KRT33A: variants seen among roughly 807,000 people sequenced by gnomAD.
The protein encoded by KRT33A is keratin, type I cuticular Ha3-I.
Under a neutral mutation model 41.1 loss-of-function variants are expected in KRT33A, and 44 were observed. The ratio of observed to expected loss-of-function variants is 1.07; its 90% confidence interval spans 0.84 to 1.38. The LOEUF (loss-of-function observed/expected upper bound fraction) is 1.38. Among genes scored for constraint, KRT33A ranks in the 40% most tolerant of loss-of-function variants. The pLI, the probability that KRT33A is intolerant of heterozygous loss-of-function variation, is 0.00. For synonymous variants in KRT33A, 229 were observed against 227.8 expected, an observed-to-expected ratio of 1.01 and a Z score of -0.05; for missense variants, 536 against 518.5, an observed-to-expected ratio of 1.03 and a Z score of -0.33.
rs560492740 is a variant in KRT33A at position 41,349,271 on chromosome 17, G to A, written c.431+75C>T. On this transcript the variant is annotated intron_variant, in intron 2 of 6. Transcript: ENST00000007735. Reference sequence around the variant, plus strand: ...CTCAGTCACTGTTTGTTTAACTTGTGTTGACAACAGGCTAAAGGAAAGGAG... The same window carrying A: ...CTCAGTCACTGTTTGTTTAACTTGTATTGACAACAGGCTAAAGGAAAGGAG... The A allele has an allele frequency of 6.0e-5, 87 of 1,440,148 alleles. No homozygotes were observed. The South Asian group carries it at 9.6e-4, about 16-fold the overall frequency. The allele number at this position is 1,440,148 out of a possible 1,614,324, so 89.2% of individuals were successfully genotyped here.
chr17:41,346,799 C>T, intron 5 of KRT33A, 45 bp downstream of exon 5: 1 of 1,609,144 alleles, frequency 6.2e-7, no homozygotes, highest in South Asian at 1.1e-5. Context: ...AAGACTCTGC[C>T]TCCCAAGTTC....
rs762939306 is a variant in KRT33A, at chr17:41,349,399, C to A, written c.378G>T (p.Arg126Ser). 14 of 1,613,928 alleles carry A rather than the reference C, an allele frequency of 8.7e-6. No homozygotes were observed. Among genetic ancestry groups the A allele is most frequent in the Admixed American group, 1.7e-5 (1 of 59,980 alleles). Residue 126 changes from arginine (R) to serine (S), a missense_variant, in exon 2 of 7, where the codon AGG becomes AGT. Transcript: ENST00000007735. ...KILCSKSENA[R>S]LVVQIDNAKL... ...TGGCATTGTCGATCTGCACCACAAG[C>A]CTGGCATTCTCAGACTTGCTGCACA...
At chr17:41,347,742 C>T (rs2017446505) in intron 3 of KRT33A, among the ~76,000 whole-genome samples, 1 of 152,238 alleles carries the variant, frequency 6.6e-6, no homozygotes, top group African/African-American at 2.4e-5. Flanking sequence ...TACTTCCCTG[C>T]TAAGCATAGC....
chr17:41,350,479 G>T lies in KRT33A; in HGVS notation c.289C>A (p.Pro97Thr), dbSNP rs917229039. The change falls in exon 1 of 7, where the codon CCC becomes ACC. Residue 97 changes from proline (P) to threonine (T), a missense_variant. Physicochemically the swap from Pro to Thr is conservative, Grantham distance 38. Coordinates refer to ENST00000007735, the MANE Select transcript of KRT33A (RefSeq NM_004138.4). ...GACTGGTAGCTGGCACACACCAAGG[G>T]CTCCTGCTGCTGTGACCGCTCCCGG... ...LIRERSQQQE[P>T]LVCASYQSYF... is the part of the protein sequence containing the mutation. The T allele has an allele frequency of 2.5e-6, 4 of 1,613,946 alleles. No homozygotes were observed. Among genetic ancestry groups the T allele is most frequent in the Non-Finnish European group, 3.4e-6 (4 of 1,180,036 alleles).
In KRT33A at chr17:41,346,507, C is replaced by T. The variant is rs201872869; in HGVS notation, c.1038G>A (p.Arg346=). The change falls in exon 6 of 7, where the codon CGG becomes CGA. Residue 346 remains arginine, a synonymous_variant. Coordinates refer to ENST00000007735, the MANE Select transcript of KRT33A (RefSeq NM_004138.4). ...TGTTGATCTCACACTCCAGCCGCGC[C>T]CGCACGTCCAGCAGCACCTGATACT... The part of the protein sequence containing the change: ...NQEYQVLLDV[R]ARLECEINTY... The T allele has an allele frequency of 2.5e-6, 4 of 1,613,786 alleles. No homozygotes were observed. The highest frequency in any genetic ancestry group is 2.2e-5 in the East Asian group (1 of 44,816).
rs111795550 is a variant in KRT33A at position 41,350,606 on chromosome 17, G to T, written c.162C>A (p.Gly54=). ...GGAACTGCATGGTCTCCTTCTCACTGCCATTGAAGGAGCCCTCACAGAACC... is the reference window on the plus strand; with the variant it reads ...GGAACTGCATGGTCTCCTTCTCACTTCCATTGAAGGAGCCCTCACAGAACC... The part of the protein sequence containing the change: ...CNWFCEGSFN[G]SEKETMQFLN... The change falls in exon 1 of 7, where the codon GGC becomes GGA. Residue 54 remains glycine (G), a synonymous_variant. Coordinates refer to ENST00000007735, the MANE Select transcript of KRT33A (RefSeq NM_004138.4). 6.2e-7 allele frequency: 1 copy of T among 1,612,934 alleles called. No homozygotes were observed. The highest frequency in any genetic ancestry group is 1.3e-5 in the African/African-American group (1 of 74,250).
At chr17:41,347,017 TG>T in intron 4 of KRT33A, 43 bp downstream of exon 4, 3 of 1,611,388 alleles carry the variant, frequency 1.9e-6, no homozygotes, top group Middle Eastern at 1.7e-4. Context: ...TCCGGGGCCC[TG>T]GGGGGCCTCG....
intron 1 of KRT33A, 120 bp from the exon 2 acceptor site, chr17:41,349,548 T>C: frequency 4.3e-6 from 4 of 921,046 alleles, no homozygotes; most frequent in East Asian, 2.6e-5. Flanking sequence ...ATGCTTTCTA[T>C]ATACAGCAGG....
Position 41,350,600 on chromosome 17 carries a change from C to T in KRT33A, c.168G>A (p.Glu56=), listed in dbSNP as rs2088604280. 2 of 1,613,212 alleles carry T rather than the reference C, an allele frequency of 1.2e-6. No homozygotes were observed. The highest frequency in any genetic ancestry group is 1.7e-5 in the Admixed American group (1 of 59,994). Residue 56 remains glutamate (E), a synonymous_variant, in exon 1 of 7, where the codon GAG becomes GAA. Transcript: ENST00000007735. Reference sequence around the variant, plus strand: ...CGTTCAGGAACTGCATGGTCTCCTTCTCACTGCCATTGAAGGAGCCCTCAC... The same window carrying T: ...CGTTCAGGAACTGCATGGTCTCCTTTTCACTGCCATTGAAGGAGCCCTCAC... ...WFCEGSFNGS[E]KETMQFLNDR...
chr17:41,346,222 G>C lies in KRT33A; in HGVS notation c.1112C>G (p.Pro371Arg). The change falls in exon 7 of 7, where the codon CCC becomes CGC. Residue 371 changes from proline to arginine, a missense_variant. By Grantham distance (103) the Pro-to-Arg change is moderately radical. Transcript: ENST00000007735. ...ESEDCKLPSN[P>R]CATTNACDKS... ...GTCACATGCATTGGTTGTGGCGCAG[G>C]GGTTGGAGGGGAGCCTGTGGGCAGA... 1 of 1,614,112 alleles carries C rather than the reference G, an allele frequency of 6.2e-7. No individual in the cohort carries two copies. The highest frequency in any genetic ancestry group is 8.5e-7 in the Non-Finnish European group (1 of 1,179,962).
At position 41,348,505 on chromosome 17, in the gene KRT33A, C is replaced by G. The variant is rs1412451216; in HGVS notation, c.566G>C (p.Cys189Ser). 1 of 1,614,088 alleles carries G rather than the reference C, an allele frequency of 6.2e-7. No homozygotes were observed. Among genetic ancestry groups the G allele is most frequent in the East Asian group, 2.2e-5 (1 of 44,846 alleles). The change falls in exon 3 of 7, where the codon TGC becomes TCC. Residue 189 changes from cysteine to serine, a missense_variant. Cys to Ser is a moderately radical substitution (Grantham distance 112, BLOSUM62 -1). Transcript: ENST00000007735. Reference sequence around the variant, plus strand: ...CACCTGCTCATGGTTCTGCTTGAGGCACAGCAGCTCCTCCTTCAGGGACTC... The same window carrying G: ...CACCTGCTCATGGTTCTGCTTGAGGGACAGCAGCTCCTCCTTCAGGGACTC... The part of the protein sequence containing the change: ...QVESLKEELL[C>S]LKQNHEQEVN...
intron 3 of KRT33A, 85 bp from the exon 4 acceptor site, chr17:41,347,307 C>G: frequency 6.9e-7 from 1 of 1,449,532 alleles, no homozygotes; most frequent in Non-Finnish European, 9.2e-7. Context: ...TCTGATCATT[C>G]TTAAGCTTTC....
chr17:41,349,936 G>A (rs2017480898), intron 1 of KRT33A, among the ~76,000 whole-genome samples: 1 of 152,096 alleles, frequency 6.6e-6, no homozygotes, highest in South Asian at 2.1e-4. Flanking sequence ...GCTCTCACTG[G>A]ACACTGTGCA....
At chr17:41,347,919 C>A (rs1248580843) in intron 3 of KRT33A, among the ~76,000 whole-genome samples, 1 of 152,230 alleles carries the variant, frequency 6.6e-6, no homozygotes, top group Non-Finnish European at 1.5e-5. Flanking sequence ...ACATACTAAG[C>A]ACTTGATTAA....
In KRT33A at chr17:41,347,105, C is replaced by T. The variant is rs2017436572; in HGVS notation, c.706G>A (p.Val236Met). The T allele has an allele frequency of 1.2e-6, 2 of 1,614,042 alleles. No individual in the cohort carries two copies. Among genetic ancestry groups the T allele is most frequent in the East Asian group, 2.2e-5 (1 of 44,888 alleles). Residue 236 changes from valine to methionine, a missense_variant, in exon 4 of 7, where the codon GTG (valine) becomes ATG (methionine). Physicochemically the swap from Val to Met is conservative, Grantham distance 21 (BLOSUM62 1). Coordinates refer to ENST00000007735, the MANE Select transcript of KRT33A (RefSeq NM_004138.4). The part of the protein sequence containing the change: ...NETRSQYEAL[V>M]ETNRREVEQW... ...TCCACTTCCCTGCGGTTGGTTTCCA[C>T]CAGGGCCTCATACTGACTCCTGGTC...
intron 6 of KRT33A, 97 bp from the exon 7 acceptor site, chr17:41,346,333 T>C: frequency 6.3e-7 from 1 of 1,579,916 alleles, no homozygotes; most frequent in South Asian, 1.1e-5. Flanking sequence ...TGTTCCTCCT[T>C]GGACTTCCTC....
intron 3 of KRT33A, among the ~76,000 whole-genome samples, chr17:41,347,895 G>A (rs1428736190): frequency 6.6e-6 from 1 of 152,210 alleles, no homozygotes; most frequent in Admixed American, 6.5e-5. Flanking sequence ...AAAGCACTTA[G>A]CACAATGTTT....
In KRT33A at chr17:41,346,519, C is replaced by G. The variant is rs753100563; in HGVS notation, c.1026G>C (p.Leu342=). The G allele has an allele frequency of 6.2e-6, 10 of 1,614,066 alleles. No individual in the cohort carries two copies. The highest frequency in any genetic ancestry group is 7.6e-6 in the Non-Finnish European group (9 of 1,180,022). Residue 342 remains leucine (L), a synonymous_variant, in exon 6 of 7, where the codon CTG becomes CTC. Transcript: ENST00000007735. ...ACTCCAGCCGCGCCCGCACGTCCAG[C>G]AGCACCTGATACTCCTGGTTCTGCC... ...LERQNQEYQV[L]LDVRARLECE... is the part of the protein sequence containing the mutation.
intron 1 of KRT33A, among the ~76,000 whole-genome samples, chr17:41,350,006 A>G (rs2017482113): frequency 6.6e-6 from 1 of 152,218 alleles, no homozygotes; most frequent in African/African-American, 2.4e-5. Flanking sequence ...GTAGGAACCT[A>G]GAAGAGAGAG....
Sources: allele counts gnomAD v4.1 joint callset (sites outside exome capture counted in the v4.1 genomes callset), GRCh38; gene constraint gnomAD v4.1.1; transcripts MANE v1.5; gene names NCBI Gene and HGNC (gene_info 2026-07-23, HGNC 2026-07-21).